Variants in NAALAD2 observed in about 807,000 individuals in gnomAD.
NAALAD2 encodes N-acetylated alpha-linked acidic dipeptidase 2.
Under a neutral mutation model 95.6 loss-of-function variants are expected in NAALAD2, and 89 were observed. The ratio of observed to expected loss-of-function variants is 0.93; its 90% CI spans 0.78 to 1.11. The LOEUF (loss-of-function observed/expected upper bound fraction) is 1.11. Ranked by LOEUF, NAALAD2 falls within the 50% of genes least tolerant of loss-of-function variation. The probability of loss-of-function intolerance (pLI) is 0.00; values close to 1 mark genes in which losing one functional copy is unlikely to be tolerated. For missense variants in NAALAD2, 894 were observed against 872.4 expected (o/e 1.02, Z -0.31); for synonymous variants, 264 against 294.4 (o/e 0.90, Z 1.06).
intron 12 of NAALAD2, 91 bp downstream of exon 12, chr11:90,169,083 G>A (rs1460912654): frequency 2.5e-5 from 21 of 833,490 alleles, no homozygotes; most frequent in Non-Finnish European, 3.4e-5. Flanking sequence ...CATCTACTAA[G>A]ACTATAAATT....
chr11:90,152,276 G>T (rs1477159435), intron 5 of NAALAD2, 22 bp from the exon 6 acceptor site: 2 of 1,564,368 alleles, frequency 1.3e-6, no homozygotes, highest in East Asian at 4.5e-5. Flanking sequence ...TCTGCATTAT[G>T]AATTGCACAT....
chr11:90,146,850 T>C (rs1487742132), intron 2 of NAALAD2, among the ~76,000 whole-genome samples: 1 of 151,898 alleles, frequency 6.6e-6, no homozygotes. Context: ...ATATGAAAAA[T>C]AAAAATGCAT....
chr11:90,167,422 T>G (rs1952499286), intron 11 of NAALAD2, among the ~76,000 whole-genome samples: 1 of 152,106 alleles, frequency 6.6e-6, no homozygotes, highest in African/African-American at 2.4e-5. Flanking sequence ...TGCCTGAGCC[T>G]GCGCCCCCGC....
intron 2 of NAALAD2, among the ~76,000 whole-genome samples, 162 bp downstream of exon 2, chr11:90,135,832 T>A (rs1033552959): frequency 2.0e-5 from 3 of 152,046 alleles, no homozygotes; most frequent in Middle Eastern, 3.4e-3. Flanking sequence ...TACACCAGTC[T>A]TGGGGTGAAA....
intron 15 of NAALAD2, among the ~76,000 whole-genome samples, chr11:90,176,572 T>C (rs1952799464): frequency 6.6e-6 from 1 of 152,248 alleles, no homozygotes; most frequent in Admixed American, 6.5e-5. Flanking sequence ...TCCCCTTTTC[T>C]GTTCTGCACT....
Position 90,177,842 on chromosome 11 carries a change from T to C in NAALAD2, c.1594-11T>C. 1 of 1,592,114 alleles carries C rather than the reference T, an allele frequency of 6.3e-7. No individual in the cohort carries two copies. ...TGTTTATTTATACTTGCCTCTCCAT[T>C]TTTTTTTCAGAAAACAGATAAGTAC... On this transcript the variant is annotated splice_polypyrimidine_tract_variant and intron_variant, in intron 15 of 18. Transcript: ENST00000534061.
In NAALAD2 at chr11:90,191,590, A is replaced by C; in HGVS notation, c.2066A>C (p.Lys689Thr). ...HIIFAPSSHN[K>T]YAGESFPGIY... is the part of the protein sequence containing the mutation. ...ATATTTGCTCCAAGTAGCCACAACA[A>C]ATATGCTGGAGAATCATTTCCTGGA... Residue 689 changes from lysine (K) to threonine (T), a missense_variant, in exon 19 of 19, where the codon AAA becomes ACA. By Grantham distance (78) the Lys-to-Thr change is moderately conservative. Transcript: ENST00000534061. The C allele has an allele frequency of 6.3e-7, 1 of 1,596,686 alleles. No homozygotes were observed. Among genetic ancestry groups the C allele is most frequent in the Non-Finnish European group, 8.5e-7 (1 of 1,172,110 alleles).
chr11:90,174,380 T>C (rs1009155462), intron 14 of NAALAD2, among the ~76,000 whole-genome samples: 1 of 152,174 alleles, frequency 6.6e-6, no homozygotes, highest in African/African-American at 2.4e-5. Context: ...TTTTGCTGAT[T>C]AGCCAGCATG....
At chr11:90,165,514 G>T (rs10732447) in intron 11 of NAALAD2, among the ~76,000 whole-genome samples, 68,733 of 151,854 alleles carry the variant, frequency 0.45, 16,604 homozygotes, top group African/African-American at 0.62. Context: ...TCCTAACTCA[G>T]TTTCTCTTAC....
At chr11:90,163,197 G>C in intron 9 of NAALAD2, 113 bp from the exon 10 acceptor site, 1 of 1,287,076 alleles carries the variant, frequency 7.8e-7, no homozygotes, top group Non-Finnish European at 1.1e-6. Flanking sequence ...ACTTTATAGT[G>C]TTGTCTTCTA....
chr11:90,183,730 A>G (rs1391498023), intron 18 of NAALAD2, among the ~76,000 whole-genome samples: 1 of 152,196 alleles, frequency 6.6e-6, no homozygotes, highest in Non-Finnish European at 1.5e-5. Flanking sequence ...TAGGCTTTGC[A>G]TTAGATAATT....
chr11:90,163,846 G>T (rs141155954), intron 11 of NAALAD2: 1 of 451,554 alleles, frequency 2.2e-6, no homozygotes, highest in South Asian at 5.9e-5. Flanking sequence ...AAATATTTTC[G>T]TTGCCATTTG....
chr11:90,181,626 T>C lies in NAALAD2; in HGVS notation c.1865T>C (p.Leu622Ser). Residue 622 changes from leucine (L) to serine (S), a missense_variant, in exon 17 of 19, where the codon TTA (leucine) becomes TCA (serine). Coordinates refer to ENST00000534061, the MANE Select transcript of NAALAD2 (RefSeq NM_005467.4). ...TTTTCTATTTTTAAAAAAGACTCCTTATTTTCTGCTGTGAAAAACTTCTCA... is the reference window on the plus strand; with the variant it reads ...TTTTCTATTTTTAAAAAAGACTCCTCATTTTCTGCTGTGAAAAACTTCTCA... ...LTDHGVSFDSLFSAVKNFSEA... is the reference protein window; with the variant it reads ...LTDHGVSFDSSFSAVKNFSEA... The C allele has an allele frequency of 6.3e-7, 1 of 1,597,958 alleles. No individual in the cohort carries two copies. Among genetic ancestry groups the C allele is most frequent in the Non-Finnish European group, 8.6e-7 (1 of 1,169,294 alleles).
Position 90,136,095 on chromosome 11 carries a change from A to G in NAALAD2, c.194+425A>G, listed in dbSNP as rs565956495. On this transcript the variant is annotated intron_variant, in intron 2 of 18. Transcript: ENST00000534061. ...CTGCCAAAAGTTAAACCTTTATCCCATCTTGCAGGTATAAATTTGTTTTTT... is the reference window on the plus strand; with the variant it reads ...CTGCCAAAAGTTAAACCTTTATCCCGTCTTGCAGGTATAAATTTGTTTTTT... 2.0e-5 allele frequency among the ~76,000 whole-genome samples: 3 copies of G among 152,280 alleles called. No homozygotes were observed. In the South Asian group the frequency reaches 6.2e-4, roughly 32 times the overall value.
At chr11:90,175,837 A>G in intron 14 of NAALAD2, 135 bp from the exon 15 acceptor site, 1 of 437,678 alleles carries the variant, frequency 2.3e-6, no homozygotes. Context: ...GACCTTTTTT[A>G]AATTCTTATA....
At chr11:90,145,354 GA>G (rs1369687551) in intron 2 of NAALAD2, among the ~76,000 whole-genome samples, 1 of 152,046 alleles carries the variant, frequency 6.6e-6, no homozygotes, top group Non-Finnish European at 1.5e-5. Context: ...GGGGGTTCTT[GA>G]AAAGATGGGA....
At chr11:90,166,835 C>CA (rs1242969059) in intron 11 of NAALAD2, among the ~76,000 whole-genome samples, 842 of 64,606 alleles carry the variant, frequency 0.013, 7 homozygotes, top group Admixed American at 0.053. Flanking sequence ...ATTCTGTCTC[C>CA]AAAAAAAAAA....
At chr11:90,136,303 T>C (rs1389199096) in intron 2 of NAALAD2, among the ~76,000 whole-genome samples, 25 of 152,208 alleles carry the variant, frequency 1.6e-4, no homozygotes. Flanking sequence ...TAGTGAAGTA[T>C]AATTTACATA....
At chr11:90,171,278 G>T (rs1191131346) in intron 13 of NAALAD2, among the ~76,000 whole-genome samples, 1 of 152,030 alleles carries the variant, frequency 6.6e-6, no homozygotes, top group African/African-American at 2.4e-5. Flanking sequence ...ACTTCTCTCT[G>T]GGTACTATTA....
Sources: allele counts gnomAD v4.1 joint callset (sites outside exome capture counted in the v4.1 genomes callset), GRCh38; gene constraint gnomAD v4.1.1; transcripts MANE v1.5; gene names NCBI Gene and HGNC (gene_info 2026-07-23, HGNC 2026-07-21).